The following INPP4A variants were observed in gnomAD, a reference collection of about 807,000 sequenced individuals.
INPP4A encodes inositol polyphosphate-4-phosphatase type I A.
A neutral mutation model predicts 119.8 loss-of-function variants in INPP4A; 33 were observed. That is an observed-to-expected ratio of 0.28 (90% confidence interval 0.21 to 0.37). The LOEUF is 0.37. Among genes scored for constraint, INPP4A ranks in the 10% least tolerant of loss-of-function variants. INPP4A has a pLI of 1.00. For synonymous variants in INPP4A, 496 were observed against 500.7 expected (o/e 0.99, Z 0.12); for missense variants, 956 against 1,289.9 (o/e 0.74, Z 3.97).
At chr2:98,462,895 G>T (rs1225351495) in intron 1 of INPP4A, among the ~76,000 whole-genome samples, 1 of 151,796 alleles carries the variant, frequency 6.6e-6, no homozygotes, top group Non-Finnish European at 1.5e-5. Context: ...ACAGAATCGT[G>T]CTCTGTTGCA....
chr2:98,584,099 G>A (rs1219023314), intron 24 of INPP4A, among the ~76,000 whole-genome samples: 1 of 152,220 alleles, frequency 6.6e-6, no homozygotes, highest in Non-Finnish European at 1.5e-5. Flanking sequence ...CTCATGGGTG[G>A]TGTAAGCTGT....
Position 98,578,252 on chromosome 2 carries a change from G to C in INPP4A, c.2786+1109G>C, listed in dbSNP as rs1433208866. The stretch of plus-strand genomic sequence containing the variant: ...AGGAGCCTTGGTGCCATTCAGGCCT[G>C]ATGTCCAGTGTGACCCTGGTGCTGA... On this transcript the variant is annotated intron_variant, in intron 24 of 24. Coordinates refer to ENST00000409851, the MANE Select transcript of INPP4A (RefSeq NM_001134225.2). 2.0e-5 allele frequency among the ~76,000 whole-genome samples: 3 copies of C among 152,210 alleles called. No individual in the cohort carries two copies. In the South Asian group the frequency reaches 6.2e-4, roughly 32 times the overall value.
In INPP4A at chr2:98,546,583, C is replaced by T; in HGVS notation, c.1055-3C>T. 2 of 1,605,316 alleles carry T rather than the reference C, an allele frequency of 1.2e-6. No individual in the cohort carries two copies. Among genetic ancestry groups the T allele is most frequent in the Non-Finnish European group, 1.7e-6 (2 of 1,172,302 alleles). ...TAATGGAGGAGAGCTTTCTGTCATT[C>T]AGATCAGAACTACGACATCGTCACC... On this transcript the variant is annotated splice_polypyrimidine_tract_variant and splice_region_variant and intron_variant, in intron 12 of 24. Coordinates refer to ENST00000409851, the MANE Select transcript of INPP4A (RefSeq NM_001134225.2). The surrounding 1 kb of genome is among the most constrained non-coding windows in gnomAD (Gnocchi z 4.2).
chr2:98,559,188 G>C (rs377676966), intron 16 of INPP4A, among the ~76,000 whole-genome samples: 1 of 152,296 alleles, frequency 6.6e-6, no homozygotes, highest in East Asian at 1.9e-4. Context: ...CGCACATCCC[G>C]AAGAGCATTT....
Position 98,555,592 on chromosome 2 carries a change from A to G in INPP4A, c.1606A>G (p.Ile536Val), listed in dbSNP as rs768985442. 10 of 1,613,624 alleles carry G rather than the reference A, an allele frequency of 6.2e-6. No homozygotes were observed. The highest frequency in any genetic ancestry group is 5.9e-6 in the Non-Finnish European group (7 of 1,179,586). ...GAACGTGGACAAGAGCCTAGAGTGCATCATTCAGCGTGTGGACAAGCTGCT... is the reference window on the plus strand; with the variant it reads ...GAACGTGGACAAGAGCCTAGAGTGCGTCATTCAGCGTGTGGACAAGCTGCT... ...WLNVDKSLECIIQRVDKLLQK... is the reference protein window; with the variant it reads ...WLNVDKSLECVIQRVDKLLQK... Residue 536 changes from isoleucine (I) to valine (V), a missense_variant, in exon 16 of 25, where the codon ATC becomes GTC. Physicochemically the swap from Ile to Val is conservative, Grantham distance 29. This residue lies in a region of INPP4A where 652 missense variants were observed against 797.9 expected (regional missense o/e 0.82). Transcript: ENST00000409851.
At chr2:98,447,150 G>A (rs1694332670) in intron 1 of INPP4A, among the ~76,000 whole-genome samples, 1 of 152,134 alleles carries the variant, frequency 6.6e-6, no homozygotes, top group Admixed American at 6.5e-5. Flanking sequence ...CACCAAGACT[G>A]TTTCATCCTG....
At chr2:98,508,916 G>A (rs778805338) in intron 1 of INPP4A, among the ~76,000 whole-genome samples, 4 of 152,132 alleles carry the variant, frequency 2.6e-5, no homozygotes, top group Non-Finnish European at 5.9e-5. Flanking sequence ...TGGTGCGCGG[G>A]AGTGAGAGGG....
chr2:98,560,948 G>A (rs1318873366), intron 17 of INPP4A, among the ~76,000 whole-genome samples: 1 of 152,220 alleles, frequency 6.6e-6, no homozygotes. Flanking sequence ...TGTCAGCTGG[G>A]ACATTTCCAG....
At chr2:98,458,185 A>T (rs1696489016) in intron 1 of INPP4A, among the ~76,000 whole-genome samples, 1 of 152,192 alleles carries the variant, frequency 6.6e-6, no homozygotes, top group African/African-American at 2.4e-5. Context: ...ACTAAAAATT[A>T]AAAAATTAGC....
intron 1 of INPP4A, among the ~76,000 whole-genome samples, chr2:98,498,331 T>C (rs13009892): frequency 2.0e-5 from 3 of 152,062 alleles, no homozygotes; most frequent in African/African-American, 4.8e-5. Context: ...CTCATTTCAC[T>C]TGGCTCTCAT....
intron 1 of INPP4A, among the ~76,000 whole-genome samples, chr2:98,511,683 G>A (rs555030643): frequency 1.3e-5 from 2 of 152,152 alleles, no homozygotes; most frequent in Non-Finnish European, 2.9e-5. Context: ...GGGAGACTCT[G>A]AATTCCTTCC....
chr2:98,521,935 A>G (rs563356564), intron 4 of INPP4A, among the ~76,000 whole-genome samples: 233 of 152,288 alleles, frequency 1.5e-3, no homozygotes, highest in Middle Eastern at 3.4e-3. Context: ...ATAATAAAAA[A>G]GAAACAAAAA....
chr2:98,545,271 G>A (rs1692268192), intron 11 of INPP4A, among the ~76,000 whole-genome samples: 4 of 152,134 alleles, frequency 2.6e-5, no homozygotes, highest in Non-Finnish European at 5.9e-5. Context: ...AGTTTAATTT[G>A]TAATCCCTTT....
At chr2:98,494,472 GAC>G (rs1485056699) in intron 1 of INPP4A, among the ~76,000 whole-genome samples, 2 of 152,240 alleles carry the variant, frequency 1.3e-5, no homozygotes, top group African/African-American at 4.8e-5. Context: ...AGAGAAGTGG[GAC>G]ACAGTCTGTG....
intron 1 of INPP4A, among the ~76,000 whole-genome samples, chr2:98,466,188 G>A (rs1418391086): frequency 6.6e-6 from 1 of 152,198 alleles, no homozygotes; most frequent in African/African-American, 2.4e-5. Flanking sequence ...TGGGACTACA[G>A]GCGTACGCCA....
At chr2:98,464,984 G>A (rs1674445802) in intron 1 of INPP4A, among the ~76,000 whole-genome samples, 2 of 152,200 alleles carry the variant, frequency 1.3e-5, no homozygotes, top group African/African-American at 2.4e-5. Flanking sequence ...TGGGTTGGTG[G>A]CCCAGGGAGG....
chr2:98,454,415 G>C (rs1008985204), intron 1 of INPP4A, among the ~76,000 whole-genome samples: 1 of 152,162 alleles, frequency 6.6e-6, no homozygotes, highest in Admixed American at 6.5e-5. Context: ...GGGCAAGTTG[G>C]ATTGTAGTGC....
chr2:98,465,773 AAG>A (rs1199247454), intron 1 of INPP4A, among the ~76,000 whole-genome samples: 1 of 152,156 alleles, frequency 6.6e-6, no homozygotes, highest in Non-Finnish European at 1.5e-5. Flanking sequence ...GGTTTGAAAA[AAG>A]AGTTTTTCAA....
intron 1 of INPP4A, among the ~76,000 whole-genome samples, chr2:98,477,393 T>C (rs1677459226): frequency 6.6e-6 from 1 of 152,244 alleles, no homozygotes; most frequent in Non-Finnish European, 1.5e-5. Context: ...ACCATAGCCA[T>C]GGGAGTCCTA....
Sources: allele counts gnomAD v4.1 joint callset (sites outside exome capture counted in the v4.1 genomes callset), GRCh38; gene constraint gnomAD v4.1.1; regional missense constraint gnomAD v4.1.1; non-coding constraint Gnocchi (gnomAD v3.1); transcripts MANE v1.5; gene names NCBI Gene and HGNC (gene_info 2026-07-23, HGNC 2026-07-21).